Variants in DPYSL3 observed in about 807,000 individuals in gnomAD.
The protein encoded by DPYSL3 is dihydropyrimidinase like 3.
Under a neutral mutation model 66.1 loss-of-function variants are expected in DPYSL3, and 16 were observed. The ratio of observed to expected loss-of-function variants is 0.24; its 90% CI spans 0.16 to 0.37. The LOEUF is 0.37. Among genes scored for constraint, DPYSL3 ranks in the 10% least tolerant of loss-of-function variants. The pLI is 1.00. For missense variants in DPYSL3, 738 were observed against 916.2 expected, an observed-to-expected ratio of 0.81 and a Z score of 2.51; for synonymous variants, 338 against 345.1, an observed-to-expected ratio of 0.98 and a Z score of 0.23.
chr5:147,412,236 T>A (rs1286688616), intron 6 of DPYSL3, among the ~76,000 whole-genome samples: 1 of 152,218 alleles, frequency 6.6e-6, no homozygotes, highest in Non-Finnish European at 1.5e-5. Flanking sequence ...TTCTGAGAAA[T>A]GCTGCCTTAC....
At chr5:147,471,455 G>C (rs1753084499) in intron 1 of DPYSL3, among the ~76,000 whole-genome samples, 1 of 152,094 alleles carries the variant, frequency 6.6e-6, no homozygotes, top group South Asian at 2.1e-4. Context: ...GCCACTCCAT[G>C]CTTCTTCATT....
intron 1 of DPYSL3, among the ~76,000 whole-genome samples, chr5:147,497,271 G>T (rs1753533414): frequency 6.7e-6 from 1 of 149,504 alleles, no homozygotes; most frequent in Admixed American, 6.7e-5. Flanking sequence ...GAGGGGGAAG[G>T]GGTAGCATTA....
intron 1 of DPYSL3, among the ~76,000 whole-genome samples, chr5:147,477,995 T>C (rs1001984067): frequency 8.5e-5 from 13 of 152,252 alleles, no homozygotes; most frequent in African/African-American, 3.1e-4. Flanking sequence ...ACAATTTTGC[T>C]TTTTACAGCC....
chr5:147,408,871 T>C (rs1394589021), intron 6 of DPYSL3, 75 bp from the exon 7 acceptor site: 2 of 1,371,862 alleles, frequency 1.5e-6, no homozygotes, highest in Non-Finnish European at 2.1e-6. Context: ...TATGTTCTGA[T>C]CTAAAGATCT....
At chr5:147,502,866 G>A (rs1040857041) in intron 1 of DPYSL3, among the ~76,000 whole-genome samples, 5 of 152,024 alleles carry the variant, frequency 3.3e-5, no homozygotes, top group Non-Finnish European at 7.4e-5. Flanking sequence ...GTGAGCCACT[G>A]TGCCCGGCCT....
At chr5:147,473,127 A>G (rs987066705) in intron 1 of DPYSL3, 8 of 152,222 alleles carry the variant, frequency 5.3e-5, no homozygotes, top group Admixed American at 2.6e-4. Context: ...GTCAGTTGCA[A>G]CATGCCAAAA....
intron 6 of DPYSL3, among the ~76,000 whole-genome samples, chr5:147,410,024 G>A (rs1751814591): frequency 6.6e-6 from 1 of 152,138 alleles, no homozygotes; most frequent in African/African-American, 2.4e-5. Context: ...AAGGTTACAG[G>A]CTTATTTTTC....
chr5:147,412,453 C>T (rs1353560593), intron 6 of DPYSL3, among the ~76,000 whole-genome samples, 155 bp downstream of exon 6: 1 of 151,962 alleles, frequency 6.6e-6, no homozygotes, highest in Non-Finnish European at 1.5e-5. Context: ...GTTTCTTCCA[C>T]CTAAATTGTG....
chr5:147,495,777 T>G (rs1026113104), intron 1 of DPYSL3, among the ~76,000 whole-genome samples: 3 of 152,218 alleles, frequency 2.0e-5, no homozygotes, highest in Non-Finnish European at 2.9e-5. Flanking sequence ...GAACATTCCA[T>G]GTTCATGTGT....
intron 1 of DPYSL3, among the ~76,000 whole-genome samples, chr5:147,494,631 C>T (rs554522316): frequency 2.7e-5 from 4 of 148,172 alleles, no homozygotes; most frequent in Non-Finnish European, 3.0e-5. Flanking sequence ...TTTGGGAGGC[C>T]GAGGCGGGCA....
At position 147,509,688 on chromosome 5, in the gene DPYSL3, C is replaced by G. The variant is rs1753732366; in HGVS notation, c.171G>C (p.Val57=). 3 of 1,535,834 alleles carry G rather than the reference C, an allele frequency of 2.0e-6. No individual in the cohort carries two copies. The highest frequency in any genetic ancestry group is 2.7e-5 in the African/African-American group (2 of 73,036). The change falls in exon 1 of 14, where the codon GTG becomes GTC. Residue 57 remains valine, a synonymous_variant. Coordinates refer to ENST00000343218, the MANE Select transcript of DPYSL3 (RefSeq NM_001197294.2). This position sits in a 1 kb window ranked among gnomAD's most constrained non-coding sequence, Gnocchi z 5.3. ...GAGGAGTCTTCGCGCCCCGCTGCCC[C>G]ACGCTGAGGGCATCGAAATCCAGCG... ...SKTLDFDALS[V]GQRGAKTPRS... is the part of the protein sequence containing the mutation.
chr5:147,470,273 T>C (rs1418413304), intron 1 of DPYSL3, among the ~76,000 whole-genome samples: 3 of 152,160 alleles, frequency 2.0e-5, no homozygotes, highest in Non-Finnish European at 2.9e-5. Flanking sequence ...CATATTATTC[T>C]TGGTATTATA....
chr5:147,424,745 A>G lies in DPYSL3; in HGVS notation c.470+130T>C. On this transcript the variant is annotated intron_variant, in intron 2 of 13. Transcript: ENST00000343218. ...ATACTTTCTGCCCAAATTTGCCCTC[A>G]GTATCTCACTTCATTCTGTTGATTA... is the stretch of plus-strand genomic sequence containing the variant. 2.9e-6 allele frequency: 2 copies of G among 682,010 alleles called. 1 individual carries two copies. Among genetic ancestry groups the G allele is most frequent in the East Asian group, 5.8e-5 (2 of 34,220 alleles). The allele number at this position is 682,010 out of a possible 1,614,324, so 42.2% of individuals were successfully genotyped here. A position where few individuals can be genotyped will look rare whatever the true frequency, so the allele number is the denominator to read the frequency against.
chr5:147,428,457 G>A (rs1010870819), intron 1 of DPYSL3, among the ~76,000 whole-genome samples: 3 of 152,064 alleles, frequency 2.0e-5, no homozygotes, highest in African/African-American at 7.2e-5. Flanking sequence ...AATCTGAAAG[G>A]CAATTCTTAG....
At chr5:147,485,436 T>C (rs1192076439) in intron 1 of DPYSL3, among the ~76,000 whole-genome samples, 4 of 152,200 alleles carry the variant, frequency 2.6e-5, no homozygotes, top group Non-Finnish European at 5.9e-5. Context: ...CATAGCATCA[T>C]TTTTAATGGC....
At chr5:147,472,836 T>A (rs1012680602) in intron 1 of DPYSL3, 11 of 152,108 alleles carry the variant, frequency 7.2e-5, no homozygotes, top group Non-Finnish European at 1.3e-4. Context: ...TTTACCCTCA[T>A]CTGCAGACAT....
At chr5:147,489,374 C>T (rs920184879) in intron 1 of DPYSL3, among the ~76,000 whole-genome samples, 10 of 152,138 alleles carry the variant, frequency 6.6e-5, no homozygotes, top group East Asian at 1.9e-4. Context: ...AGCACAGGGG[C>T]GTATGGAAAG....
At chr5:147,452,438 T>TACACACACACACAC (rs35272843) in intron 1 of DPYSL3, among the ~76,000 whole-genome samples, 25 of 142,134 alleles carry the variant, frequency 1.8e-4, no homozygotes, top group African/African-American at 5.5e-4. Flanking sequence ...ATTCCCCCAC[T>TACACACACACACAC]ACACACACAC....
In DPYSL3 at chr5:147,504,020, A is replaced by G. The variant is rs557318505; in HGVS notation, c.381+5458T>C. ...AGCTTAATTTTAAAAGTGCTCACAC[A>G]CCTAAATGGACCTTCTGCCTCTTCC... On this transcript the variant is annotated intron_variant, in intron 1 of 13. Coordinates refer to ENST00000343218, the MANE Select transcript of DPYSL3 (RefSeq NM_001197294.2). Among the ~76,000 whole-genome samples the G allele has an allele frequency of 1.1e-4, 16 of 152,346 alleles. No homozygotes were observed. The South Asian group carries it at 3.3e-3, about 32-fold the overall frequency.
Sources: allele counts gnomAD v4.1 joint callset (sites outside exome capture counted in the v4.1 genomes callset), GRCh38; gene constraint gnomAD v4.1.1; non-coding constraint Gnocchi (gnomAD v3.1); transcripts MANE v1.5; gene names NCBI Gene and HGNC (gene_info 2026-07-23, HGNC 2026-07-21).